The following PCDH15 variants were observed in gnomAD, a reference collection of about 807,000 sequenced individuals.
PCDH15 encodes protocadherin related 15.
Under a neutral mutation model 178.5 loss-of-function variants are expected in PCDH15, and 129 were observed. That is an observed-to-expected ratio of 0.72 (90% CI 0.63 to 0.84). The LOEUF (loss-of-function observed/expected upper bound fraction) is 0.84. Among genes scored for constraint, PCDH15 ranks in the 40% least tolerant of loss-of-function variants. The pLI is 0.00. For synonymous variants in PCDH15, 800 were observed against 732.0 expected, an observed-to-expected ratio of 1.09 and a Z score of -1.50; for missense variants, 2,230 against 2,099.9, an observed-to-expected ratio of 1.06 and a Z score of -1.21.
At chr10:54,577,842 C>CTAAATAAA (rs751728529) in intron 2 of PCDH15, among the ~76,000 whole-genome samples, 1 of 144,770 alleles carries the variant, frequency 6.9e-6, no homozygotes, top group African/African-American at 2.6e-5. Context: ...CTGTTTAAGC[C>CTAAATAAA]TAAATAAATG....
chr10:54,597,569 C>A (rs765729823), intron 2 of PCDH15, among the ~76,000 whole-genome samples: 1 of 151,354 alleles, frequency 6.6e-6, no homozygotes, highest in Non-Finnish European at 1.5e-5. Flanking sequence ...ACAACAACAA[C>A]AAAATAACAA....
At chr10:55,533,901 C>A (rs546359806) in intron 2 of PCDH15, among the ~76,000 whole-genome samples, 2 of 151,810 alleles carry the variant, frequency 1.3e-5, no homozygotes, top group Non-Finnish European at 2.9e-5. Context: ...CCAGTGGAAC[C>A]GAATAGAAAA....
chr10:55,358,975 C>T (rs1443153715), intron 2 of PCDH15, among the ~76,000 whole-genome samples: 1 of 151,992 alleles, frequency 6.6e-6, no homozygotes, highest in Non-Finnish European at 1.5e-5. Flanking sequence ...GAAGATCTTT[C>T]GAGGCCAGGA....
chr10:54,511,498 T>C (rs10825341), intron 3 of PCDH15, among the ~76,000 whole-genome samples: 14,663 of 152,172 alleles, frequency 0.096, 1,040 homozygotes, highest in East Asian at 0.36. Flanking sequence ...TTTTATAGAG[T>C]TTATTTTTTA....
At position 54,843,840 on chromosome 10, in the gene PCDH15, T is replaced by A. The variant is rs965576507; in HGVS notation, c.-29+53610A>T. Reference sequence around the variant, plus strand: ...GGGGATCAGTGTTTTGAGTCCCCAGTTGGAAAATACATGACAAATGGCAAT... The same window carrying A: ...GGGGATCAGTGTTTTGAGTCCCCAGATGGAAAATACATGACAAATGGCAAT... On this transcript the variant is annotated intron_variant, in intron 3 of 5. Transcript: ENST00000458638. Among the ~76,000 whole-genome samples the A allele has an allele frequency of 2.0e-5, 3 of 152,062 alleles. No individual in the cohort carries two copies. The South Asian group carries it at 6.2e-4, about 32-fold the overall frequency.
chr10:54,495,042 T>C (rs2079984278), intron 3 of PCDH15, among the ~76,000 whole-genome samples: 1 of 152,138 alleles, frequency 6.6e-6, no homozygotes, highest in Admixed American at 6.6e-5. Flanking sequence ...AGATAATATT[T>C]TGTATTTGAG....
At chr10:55,316,596 T>G (rs1267695905) in intron 1 of PCDH15, among the ~76,000 whole-genome samples, 4 of 152,156 alleles carry the variant, frequency 2.6e-5, no homozygotes, top group Non-Finnish European at 4.4e-5. Context: ...CAGCTTGTAT[T>G]TGTTTTGGAA....
intron 1 of PCDH15, among the ~76,000 whole-genome samples, chr10:55,222,391 T>C (rs1419544035): frequency 6.6e-6 from 1 of 151,842 alleles, no homozygotes; most frequent in Non-Finnish European, 1.5e-5. Flanking sequence ...ATGTCAAACT[T>C]TGTGTTAGAC....
chr10:54,046,212 A>C lies in PCDH15; in HGVS notation c.2220+20545T>G, dbSNP rs2093652391. On this transcript the variant is annotated intron_variant, in intron 18 of 37. Transcript: ENST00000644397. The stretch of plus-strand genomic sequence containing the variant: ...AAGCACACAGACAGGAACCATGACC[A>C]ACTCTCATATACAACTCTTGGCATA... 3.3e-5 allele frequency among the ~76,000 whole-genome samples: 5 copies of C among 152,218 alleles called. 1 individual carries two copies. Among genetic ancestry groups the C allele is most frequent in the Admixed American group, 3.3e-4 (5 of 15,266 alleles).
intron 11 of PCDH15, among the ~76,000 whole-genome samples, chr10:54,188,867 T>C (rs2048710566): frequency 6.6e-6 from 1 of 151,920 alleles, no homozygotes; most frequent in South Asian, 2.1e-4. Context: ...CACATATATA[T>C]GTATGCATAT....
chr10:54,083,334 C>T (rs2094464582), intron 16 of PCDH15, among the ~76,000 whole-genome samples: 1 of 152,144 alleles, frequency 6.6e-6, no homozygotes, highest in African/African-American at 2.4e-5. Flanking sequence ...TATATGTTCA[C>T]AGCAGCGGTA....
intron 15 of PCDH15, among the ~76,000 whole-genome samples, chr10:54,115,045 G>A (rs185008980): frequency 5.3e-5 from 8 of 152,302 alleles, no homozygotes; most frequent in Non-Finnish European, 8.8e-5. Context: ...GTGGGCTGGA[G>A]CAGTCCAGTA....
chr10:54,010,160 A>C (rs1414450389), intron 20 of PCDH15, among the ~76,000 whole-genome samples: 1 of 151,904 alleles, frequency 6.6e-6, no homozygotes, highest in African/African-American at 2.4e-5. Flanking sequence ...GCTGCTCTGC[A>C]ACCCTCCCTG....
At chr10:55,594,392 C>CG in intron 2 of PCDH15, among the ~76,000 whole-genome samples, 1 of 151,814 alleles carries the variant, frequency 6.6e-6, no homozygotes, top group African/African-American at 2.4e-5. Context: ...GAAAGGAAAA[C>CG]TAAAATCACA....
At chr10:53,827,711 C>A (rs927178598) in intron 31 of PCDH15, among the ~76,000 whole-genome samples, 163 bp from the exon 32 acceptor site, 1 of 152,170 alleles carries the variant, frequency 6.6e-6, no homozygotes, top group African/African-American at 2.4e-5. Context: ...AGCATCCCCA[C>A]AGGGTATCAT....
chr10:55,134,739 C>T (rs770940896), intron 2 of PCDH15, among the ~76,000 whole-genome samples: 1 of 152,186 alleles, frequency 6.6e-6, no homozygotes. Context: ...GGGACTTAAT[C>T]TCAACAGTTC....
At chr10:54,916,965 A>G (rs1424210973) in intron 2 of PCDH15, among the ~76,000 whole-genome samples, 1 of 152,172 alleles carries the variant, frequency 6.6e-6, no homozygotes, top group Non-Finnish European at 1.5e-5. Flanking sequence ...CCATGTATGC[A>G]GGACATAATA....
At chr10:54,768,327 A>C (rs1308474411) in intron 1 of PCDH15, among the ~76,000 whole-genome samples, 1 of 152,110 alleles carries the variant, frequency 6.6e-6, no homozygotes, top group African/African-American at 2.4e-5. Flanking sequence ...AAATGAATGA[A>C]CAGGACTACA....
chr10:55,460,890 T>A (rs1417579612), intron 2 of PCDH15, among the ~76,000 whole-genome samples: 1 of 152,072 alleles, frequency 6.6e-6, no homozygotes, highest in African/African-American at 2.4e-5. Context: ...TTTGATACTT[T>A]CAGGTCCTGA....
Sources: gnomAD v4.1 joint callset for allele counts (sites outside exome capture counted in the v4.1 genomes callset) on GRCh38, gnomAD v4.1.1 for gene constraint, MANE v1.5 for transcripts, NCBI Gene and HGNC (gene_info 2026-07-23, HGNC 2026-07-21) for gene names.